GPR158: variants seen among roughly 807,000 people sequenced by gnomAD.
GPR158 encodes the protein G protein-coupled receptor 158, also known as metabotropic glycine receptor.
A neutral mutation model predicts 78.2 loss-of-function variants in GPR158; 30 were observed. The observed-to-expected ratio is 0.38, with a 90% CI of 0.29 to 0.52. GPR158 has a LOEUF of 0.52. GPR158 is among the 20% of genes least tolerant of loss of function. The probability of loss-of-function intolerance (pLI) is 0.83; values close to 1 mark genes in which losing one functional copy is unlikely to be tolerated. For synonymous variants in GPR158, 581 were observed against 591.1 expected, an observed-to-expected ratio of 0.98 and a Z score of 0.25; for missense variants, 1,463 against 1,523.5, an observed-to-expected ratio of 0.96 and a Z score of 0.66.
chr10:25,403,738 GA>G (rs1434919998), intron 3 of GPR158, among the ~76,000 whole-genome samples: 3 of 152,060 alleles, frequency 2.0e-5, no homozygotes, highest in Middle Eastern at 3.4e-3. Flanking sequence ...CCAGCACCTT[GA>G]AAAATACTAC....
chr10:25,233,898 C>G (rs1488255566), intron 2 of GPR158, among the ~76,000 whole-genome samples: 1 of 151,904 alleles, frequency 6.6e-6, no homozygotes, highest in African/African-American at 2.4e-5. Context: ...AAACAATGAC[C>G]CTCTTCTTGC....
At chr10:25,206,752 A>T (rs1853044202) in intron 1 of GPR158, among the ~76,000 whole-genome samples, 3 of 152,048 alleles carry the variant, frequency 2.0e-5, no homozygotes, top group African/African-American at 4.8e-5. Flanking sequence ...TTTACTAGAC[A>T]TGCAGCTTTG....
chr10:25,216,900 A>G (rs1425367292), intron 1 of GPR158, among the ~76,000 whole-genome samples: 2 of 152,202 alleles, frequency 1.3e-5, no homozygotes, highest in African/African-American at 4.8e-5. Flanking sequence ...TATGCATGAC[A>G]GTGGTTGGAG....
chr10:25,539,043 C>T (rs368463532), intron 5 of GPR158, among the ~76,000 whole-genome samples: 1 of 152,070 alleles, frequency 6.6e-6, no homozygotes, highest in East Asian at 1.9e-4. Flanking sequence ...GTGTGCCCTC[C>T]CAGCACGCTG....
chr10:25,574,485 A>G (rs970210726), intron 7 of GPR158, among the ~76,000 whole-genome samples: 1 of 152,216 alleles, frequency 6.6e-6, no homozygotes, highest in Non-Finnish European at 1.5e-5. Flanking sequence ...TAGTAAAAGG[A>G]TAAGCAGTTT....
chr10:25,342,353 C>A (rs1236697911), intron 2 of GPR158, among the ~76,000 whole-genome samples: 1 of 151,872 alleles, frequency 6.6e-6, no homozygotes, highest in Non-Finnish European at 1.5e-5. Context: ...CTTGTTTCTG[C>A]AGCTCTGGAG....
At chr10:25,192,519 T>G (rs12411980) in intron 1 of GPR158, among the ~76,000 whole-genome samples, 15,147 of 152,170 alleles carry the variant, frequency 0.1, 1,004 homozygotes, top group East Asian at 0.27. Context: ...CACTTTCACT[T>G]ACTGTGTGAC....
In GPR158 at chr10:25,234,626, A is replaced by G. The variant is rs1193186794; in HGVS notation, c.1008+13469A>G. On this transcript the variant is annotated intron_variant, in intron 2 of 10. Transcript: ENST00000376351. Reference sequence around the variant, plus strand: ...CTAAATTGAAAATCATTTACATGCCAAGGTATTAGAACTATATAGAATTCT... The same window carrying G: ...CTAAATTGAAAATCATTTACATGCCGAGGTATTAGAACTATATAGAATTCT... Among the ~76,000 whole-genome samples, 3 of 152,216 alleles carry G rather than the reference A, an allele frequency of 2.0e-5. No individual in the cohort carries two copies. The East Asian group carries it at 5.8e-4, about 29-fold the overall frequency.
chr10:25,276,454 C>G (rs1854184732), intron 2 of GPR158, among the ~76,000 whole-genome samples: 1 of 152,126 alleles, frequency 6.6e-6, no homozygotes, highest in South Asian at 2.1e-4. Flanking sequence ...TTTGCCCTCC[C>G]AATTATGTGA....
intron 2 of GPR158, among the ~76,000 whole-genome samples, chr10:25,305,605 TAAAA>T (rs1027056652): frequency 6.6e-6 from 1 of 151,828 alleles, no homozygotes; most frequent in African/African-American, 2.4e-5. Context: ...GATTCGGAGG[TAAAA>T]AAAGAAGGAG....
At chr10:25,328,866 GC>G (rs1362282509) in intron 2 of GPR158, among the ~76,000 whole-genome samples, 3 of 138,078 alleles carry the variant, frequency 2.2e-5, no homozygotes, top group Non-Finnish European at 4.5e-5. Flanking sequence ...GGCGGAGGTT[GC>G]AGTGAGATGA....
chr10:25,254,794 C>A (rs1292329321), intron 2 of GPR158, among the ~76,000 whole-genome samples: 1 of 152,130 alleles, frequency 6.6e-6, no homozygotes, highest in Non-Finnish European at 1.5e-5. Flanking sequence ...TTCTTGATTA[C>A]TCTTTATTTC....
At chr10:25,537,608 T>C (rs1035002816) in intron 5 of GPR158, among the ~76,000 whole-genome samples, 1 of 152,092 alleles carries the variant, frequency 6.6e-6, no homozygotes, top group South Asian at 2.1e-4. Context: ...TCAATACACA[T>C]TTACAGTAAG....
intron 2 of GPR158, among the ~76,000 whole-genome samples, chr10:25,349,887 G>GTAGGCTCAACTCCTC (rs1341842489): frequency 0.012 from 1,588 of 131,606 alleles, 57 homozygotes; most frequent in African/African-American, 0.05. Context: ...TCACACTGGT[G>GTAGGCTCAACTCCTC]ATCTTTTCTG....
At chr10:25,430,487 T>C (rs1036229313) in intron 4 of GPR158, among the ~76,000 whole-genome samples, 2 of 147,676 alleles carry the variant, frequency 1.4e-5, no homozygotes, top group Non-Finnish European at 3.0e-5. Context: ...CCAATGACTT[T>C]CTTGAGAGAA....
At chr10:25,593,104 G>A (rs1245065151) in intron 8 of GPR158, among the ~76,000 whole-genome samples, 3 of 151,364 alleles carry the variant, frequency 2.0e-5, no homozygotes, top group Admixed American at 2.0e-4. Flanking sequence ...TGAGTGCCCT[G>A]TATTTTATGT....
At chr10:25,466,303 C>A (rs1282688503) in intron 4 of GPR158, 1 of 183,596 alleles carries the variant, frequency 5.4e-6, no homozygotes, top group Admixed American at 5.6e-5. Flanking sequence ...CGTGAGACCA[C>A]GAACCCTTCG....
chr10:25,301,378 G>C (rs1380302772), intron 2 of GPR158, among the ~76,000 whole-genome samples: 1 of 152,140 alleles, frequency 6.6e-6, no homozygotes, highest in Non-Finnish European at 1.5e-5. Flanking sequence ...ATGAAATAGA[G>C]AATGTCATTG....
intron 2 of GPR158, among the ~76,000 whole-genome samples, chr10:25,378,021 C>A (rs1441497266): frequency 6.6e-6 from 1 of 152,070 alleles, no homozygotes; most frequent in Non-Finnish European, 1.5e-5. Context: ...TCTCTGTATC[C>A]TTGCCAACAC....
Sources: gnomAD v4.1 joint callset for allele counts (sites outside exome capture counted in the v4.1 genomes callset) on GRCh38, gnomAD v4.1.1 for gene constraint, MANE v1.5 for transcripts, NCBI Gene and HGNC (gene_info 2026-07-23, HGNC 2026-07-21) for gene names.